Variants in CYLD observed in about 807,000 individuals in gnomAD.
CYLD encodes CYLD lysine 63 deubiquitinase, also known as ubiquitin carboxyl-terminal hydrolase CYLD.
In CYLD, 26 loss-of-function variants were observed where a neutral mutation model predicts 104.5. That is an observed-to-expected ratio of 0.25 (90% CI 0.18 to 0.35). The LOEUF (loss-of-function observed/expected upper bound fraction) is 0.35. Among genes scored for constraint, CYLD ranks in the 10% least tolerant of loss-of-function variants. The probability of loss-of-function intolerance (pLI) is 1.00; values close to 1 mark genes in which losing one functional copy is unlikely to be tolerated. For missense variants in CYLD, 703 were observed against 1,136.1 expected, an observed-to-expected ratio of 0.62 and a Z score of 5.48; for synonymous variants, 385 against 399.9, an observed-to-expected ratio of 0.96 and a Z score of 0.45.
intron 5 of CYLD, among the ~76,000 whole-genome samples, chr16:50,760,908 C>T (rs747699741): frequency 6.6e-6 from 1 of 152,114 alleles, no homozygotes; most frequent in Admixed American, 6.5e-5. Flanking sequence ...ATATTCCTGC[C>T]AGTAGAATAC....
At chr16:50,757,102 T>C (rs1043102385) in intron 5 of CYLD, among the ~76,000 whole-genome samples, 2 of 152,098 alleles carry the variant, frequency 1.3e-5, no homozygotes, top group African/African-American at 4.8e-5. Context: ...GCAAACTGAA[T>C]TGTTTTTTTT....
intron 5 of CYLD, among the ~76,000 whole-genome samples, chr16:50,755,788 T>A (rs111365020): frequency 0.034 from 5,213 of 152,274 alleles, 271 homozygotes; most frequent in African/African-American, 0.12. Flanking sequence ...ATTAGTTCTT[T>A]GTAGGATGTA....
In CYLD at chr16:50,745,441, C is replaced by G. The variant is rs1397224006; in HGVS notation, c.-124+2600C>G. Among the ~76,000 whole-genome samples, 3 of 140,086 alleles carry G rather than the reference C, an allele frequency of 2.1e-5. No individual in the cohort carries two copies. The South Asian group carries it at 6.9e-4, about 32-fold the overall frequency. 91.9% of individuals were successfully genotyped at this position (140,086 alleles called of 152,430 possible). On this transcript the variant is annotated intron_variant, in intron 2 of 18. Transcript: ENST00000427738. ...GGAGTACAGTGGTGTGATCATAGCT[C>G]TCTTCAGCCTGGACCTCCTGGGCTC...
chr16:50,795,111 G>A (rs1184542449), intron 18 of CYLD, among the ~76,000 whole-genome samples: 1 of 152,168 alleles, frequency 6.6e-6, no homozygotes, highest in East Asian at 1.9e-4. Flanking sequence ...TGGCAAGATG[G>A]GGATTATTCC....
intron 5 of CYLD, among the ~76,000 whole-genome samples, chr16:50,764,954 A>G (rs1218669404): frequency 6.6e-6 from 1 of 152,240 alleles, no homozygotes; most frequent in Non-Finnish European, 1.5e-5. Flanking sequence ...CTGGATAGCT[A>G]TGGGGGAATC....
intron 14 of CYLD, among the ~76,000 whole-genome samples, chr16:50,791,137 G>A (rs1971396368): frequency 6.6e-6 from 1 of 152,268 alleles, no homozygotes; most frequent in Middle Eastern, 3.4e-3. Context: ...GTTCGATCTA[G>A]AAGGTCTGCT....
chr16:50,767,409 T>C (rs1333035286), intron 5 of CYLD, among the ~76,000 whole-genome samples: 9 of 151,904 alleles, frequency 5.9e-5, no homozygotes. Context: ...ATTGTGGTGG[T>C]CTGGAACAGA....
rs766649471 is a variant in CYLD, at chr16:50,794,233, C to G, written c.2491C>G (p.Leu831Val). ...NTQVHLHPKR[L>V]NHKYNPVSLP... ...TTAGGTCCACCTTCATCCGAAGAGG[C>G]TGAATCATAAATATAACCCAGTGTC... is the stretch of plus-strand genomic sequence containing the variant. Residue 831 changes from leucine to valine, a missense_variant, in exon 18 of 19, where the codon CTG becomes GTG. Leu to Val is a conservative substitution (Grantham distance 32). Coordinates refer to ENST00000427738, the MANE Select transcript of CYLD (RefSeq NM_001378743.1). This position sits in a 1 kb window ranked among gnomAD's most constrained non-coding sequence, Gnocchi z 4.1. The G allele has an allele frequency of 2.5e-6, 4 of 1,614,096 alleles. No individual in the cohort carries two copies. Among genetic ancestry groups the G allele is most frequent in the Non-Finnish European group, 3.4e-6 (4 of 1,179,990 alleles).
Position 50,749,902 on chromosome 16 carries a change from T to A in CYLD, c.204T>A (p.Asn68Lys), listed in dbSNP as rs1186691576. 6.2e-7 allele frequency: 1 copy of A among 1,613,960 alleles called. No homozygotes were observed. Among genetic ancestry groups the A allele is most frequent in the African/African-American group, 1.3e-5 (1 of 74,894 alleles). ...SRIPSAKGKK[N>K]QIGLKILEQP... Reference sequence around the variant, plus strand: ...TTCCTTCTGCAAAAGGCAAGAAAAATCAGATTGGATTAAAAATTCTAGAGC... The same window carrying A: ...TTCCTTCTGCAAAAGGCAAGAAAAAACAGATTGGATTAAAAATTCTAGAGC... The change falls in exon 3 of 19, where the codon AAT becomes AAA. Residue 68 changes from asparagine (N) to lysine (K), a missense_variant. Coordinates refer to ENST00000427738, the MANE Select transcript of CYLD (RefSeq NM_001378743.1).
rs73584482 is a variant in CYLD at position 50,780,960 on chromosome 16, A to T, written c.1519-286A>T. Among the ~76,000 whole-genome samples the T allele has an allele frequency of 0.072, 10,928 of 152,196 alleles. 1,252 individuals are homozygous for T. Among genetic ancestry groups the T allele is most frequent in the African/African-American group, 0.25 (10,245 of 41,480 alleles). Reference sequence around the variant, plus strand: ...CCCTGCCTGTTTTAATGCTTGTAGAAATGGTGCGGGAAAGCCCGTTTAACC... The same window carrying T: ...CCCTGCCTGTTTTAATGCTTGTAGATATGGTGCGGGAAAGCCCGTTTAACC... On this transcript the variant is annotated intron_variant, in intron 9 of 18. Coordinates refer to ENST00000427738, the MANE Select transcript of CYLD (RefSeq NM_001378743.1).
chr16:50,787,104 C>A, intron 13 of CYLD, 158 bp downstream of exon 13: 1 of 663,928 alleles, frequency 1.5e-6, no homozygotes, highest in Non-Finnish European at 2.7e-6. Context: ...TTTGTAAATT[C>A]TTCCTCTCTT....
chr16:50,797,359 T>C lies in CYLD; in HGVS notation c.*851T>C, dbSNP rs771840289. The C allele has an allele frequency of 2.2e-5, 5 of 232,224 alleles. No homozygotes were observed. The highest frequency in any genetic ancestry group is 3.4e-5 in the Non-Finnish European group (4 of 117,418). The allele number at this position is 232,224 out of a possible 1,614,324, so 14.4% of individuals were successfully genotyped here. On this transcript the variant is annotated 3_prime_UTR_variant, in exon 19 of 19. Coordinates refer to ENST00000427738, the MANE Select transcript of CYLD (RefSeq NM_001378743.1). ...ACATACAGTCCATAAGAAAATGAAT[T>C]TGGCATATAGAATTATTACAATTTC...
rs1414515426 is a variant in CYLD, at chr16:50,799,055, C to T, written c.*2547C>T. 1 of 233,292 alleles carries T rather than the reference C, an allele frequency of 4.3e-6. No individual in the cohort carries two copies. Among genetic ancestry groups the T allele is most frequent in the East Asian group, 6.0e-5 (1 of 16,726 alleles). The allele number at this position is 233,292 out of a possible 1,614,324, so 14.5% of individuals were successfully genotyped here. A position where few individuals can be genotyped will look rare whatever the true frequency, so the allele number is the denominator to read the frequency against. ...TTTGTCAAGAGGCACATAGTTGGGGCTGGGCTGCATGGCACAGGGGCTTAT... is the reference window on the plus strand; with the variant it reads ...TTTGTCAAGAGGCACATAGTTGGGGTTGGGCTGCATGGCACAGGGGCTTAT... On this transcript the variant is annotated 3_prime_UTR_variant, in exon 19 of 19. Coordinates refer to ENST00000427738, the MANE Select transcript of CYLD (RefSeq NM_001378743.1).
intron 4 of CYLD, among the ~76,000 whole-genome samples, chr16:50,753,303 G>A (rs1351706800): frequency 6.6e-6 from 1 of 152,172 alleles, no homozygotes; most frequent in Non-Finnish European, 1.5e-5. Context: ...GAGAATTGTG[G>A]CCTTCATGGA....
chr16:50,742,566 A>C, intron 1 of CYLD, 196 bp from the exon 2 acceptor site: 2 of 141,814 alleles, frequency 1.4e-5, no homozygotes, highest in Non-Finnish European at 2.9e-5. Context: ...CCATTTACAG[A>C]TTGGGAGACT....
intron 1 of CYLD, 195 bp from the exon 2 acceptor site, chr16:50,742,567 T>G: frequency 1.9e-4 from 27 of 143,400 alleles, no homozygotes; most frequent in East Asian, 6.5e-4. Context: ...CATTTACAGA[T>G]TGGGAGACTG....
chr16:50,759,064 C>G (rs1466545693), intron 5 of CYLD, among the ~76,000 whole-genome samples: 1 of 151,808 alleles, frequency 6.6e-6, no homozygotes, highest in African/African-American at 2.4e-5. Flanking sequence ...CATGGCGAAC[C>G]CCCCCGTCTC....
chr16:50,768,706 C>T (rs996312672), intron 5 of CYLD, among the ~76,000 whole-genome samples: 1 of 152,118 alleles, frequency 6.6e-6, no homozygotes, highest in Non-Finnish European at 1.5e-5. Context: ...TTAGCACCAC[C>T]CCAAAATTAT....
At chr16:50,755,963 T>C (rs1414405025) in intron 5 of CYLD, among the ~76,000 whole-genome samples, 1 of 152,214 alleles carries the variant, frequency 6.6e-6, no homozygotes, top group Admixed American at 6.5e-5. Context: ...ATTTTTCCAA[T>C]GTTATCCTCT....
Sources: gnomAD v4.1 joint callset for allele counts (sites outside exome capture counted in the v4.1 genomes callset) on GRCh38, gnomAD v4.1.1 for gene constraint, Gnocchi (gnomAD v3.1) non-coding constraint, MANE v1.5 for transcripts, NCBI Gene and HGNC (gene_info 2026-07-23, HGNC 2026-07-21) for gene names.